The following INPP4B variants were observed in gnomAD, a reference collection of about 807,000 sequenced individuals.
The protein encoded by INPP4B is inositol polyphosphate 4-phosphatase type II.
INPP4B carries 55 observed loss-of-function variants against 122.5 expected under a neutral mutation model. The ratio of observed to expected loss-of-function variants is 0.45; its 90% confidence interval spans 0.36 to 0.56. The LOEUF (loss-of-function observed/expected upper bound fraction) is 0.56. INPP4B is among the 20% of genes least tolerant of loss of function. INPP4B has a pLI of 0.00. For missense variants in INPP4B, 1,000 were observed against 1,097.7 expected (o/e 0.91, Z 1.26); for synonymous variants, 403 against 388.7 (o/e 1.04, Z -0.43).
Position 142,764,006 on chromosome 4 carries a change from GA to G in INPP4B, c.-253-38106del, listed in dbSNP as rs201099541. Reference sequence around the variant, plus strand: ...AATTCTTTGAGCTTATTCATTTTAAGATGTTTTATTTCAAGTTCAAAAAGTT... The same window carrying G: ...AATTCTTTGAGCTTATTCATTTTAAGTGTTTTATTTCAAGTTCAAAAAGTT... On this transcript the variant is annotated intron_variant, in intron 1 of 25. Transcript: ENST00000262992. Among the ~76,000 whole-genome samples the G allele has an allele frequency of 2.5e-3, 373 of 152,126 alleles. 5 individuals are homozygous for G. The highest frequency in any genetic ancestry group is 0.018 in the East Asian group (94 of 5,176).
intron 18 of INPP4B, among the ~76,000 whole-genome samples, chr4:142,137,856 G>C (rs1382771562): frequency 6.6e-6 from 1 of 151,566 alleles, no homozygotes; most frequent in Non-Finnish European, 1.5e-5. Context: ...ACACCAGTTA[G>C]AATGGCAATC....
chr4:142,407,590 C>T (rs1241226929), intron 5 of INPP4B, among the ~76,000 whole-genome samples: 2 of 152,096 alleles, frequency 1.3e-5, no homozygotes, highest in Admixed American at 6.6e-5. Flanking sequence ...TTATTATATT[C>T]CACATCTAAA....
chr4:142,254,351 G>A (rs1214882236), intron 11 of INPP4B, among the ~76,000 whole-genome samples: 10 of 123,786 alleles, frequency 8.1e-5, no homozygotes, highest in Middle Eastern at 3.7e-3. Context: ...AAAGCTGGAT[G>A]GAGAATGACT....
At position 142,493,578 on chromosome 4, in the gene INPP4B, C is replaced by G. The variant is rs1822148135; in HGVS notation, c.-190-30852G>C. Reference sequence around the variant, plus strand: ...TTGGAACTTTAAAGTTTAATGACTACCCTATTGGATTTCAGACTTGCATGA... The same window carrying G: ...TTGGAACTTTAAAGTTTAATGACTAGCCTATTGGATTTCAGACTTGCATGA... On this transcript the variant is annotated intron_variant, in intron 2 of 25. Coordinates refer to ENST00000262992, the MANE Select transcript of INPP4B (RefSeq NM_001101669.3). Among the ~76,000 whole-genome samples, 3 of 152,148 alleles carry G rather than the reference C, an allele frequency of 2.0e-5. No homozygotes were observed. In the South Asian group the frequency reaches 6.2e-4, roughly 31 times the overall value.
chr4:142,179,705 T>C (rs1240956770), intron 15 of INPP4B, among the ~76,000 whole-genome samples: 7 of 152,220 alleles, frequency 4.6e-5, no homozygotes. Context: ...ACGTCTTTTT[T>C]ATGTACATCC....
At chr4:142,545,736 T>TATGTGTATATATATACAC (rs1369506900) in intron 2 of INPP4B, among the ~76,000 whole-genome samples, 1 of 66,764 alleles carries the variant, frequency 1.5e-5, no homozygotes, top group East Asian at 5.2e-3. Context: ...TATATACACA[T>TATGTGTATATATATACAC]ATATGTGTAT....
intron 1 of INPP4B, among the ~76,000 whole-genome samples, chr4:142,833,651 G>A (rs949766087): frequency 6.6e-6 from 1 of 151,684 alleles, no homozygotes; most frequent in African/African-American, 2.4e-5. Context: ...TTTAAAGACA[G>A]GGTATTGCTA....
intron 2 of INPP4B, among the ~76,000 whole-genome samples, chr4:142,587,877 T>C (rs1369579554): frequency 1.3e-5 from 2 of 151,932 alleles, no homozygotes; most frequent in Non-Finnish European, 2.9e-5. Flanking sequence ...ATAGAGACAC[T>C]AGAAGAAAGG....
At chr4:142,282,050 T>C (rs1751446542) in intron 9 of INPP4B, among the ~76,000 whole-genome samples, 1 of 152,110 alleles carries the variant, frequency 6.6e-6, no homozygotes, top group Non-Finnish European at 1.5e-5. Flanking sequence ...ATTCTAGTGA[T>C]AAACAAATGT....
Position 142,573,526 on chromosome 4 carries a change from C to T in INPP4B, c.-190-110800G>A, listed in dbSNP as rs555306690. 3.3e-4 allele frequency among the ~76,000 whole-genome samples: 50 copies of T among 152,218 alleles called. 1 individual carries two copies. In the South Asian group the frequency reaches 9.7e-3, roughly 30 times the overall value. ...AAATCAATCATATACCTGGCTCAGA[C>T]ATAAGTGATCTCTATTGCCTGTTTC... On this transcript the variant is annotated intron_variant, in intron 2 of 25. Transcript: ENST00000262992.
intron 1 of INPP4B, among the ~76,000 whole-genome samples, chr4:142,735,612 G>A (rs992665174): frequency 6.6e-5 from 10 of 152,288 alleles, no homozygotes; most frequent in South Asian, 2.1e-4. Context: ...AAGGCAGGGA[G>A]CTGCCACAAA....
At chr4:142,667,377 G>C (rs150518279) in intron 2 of INPP4B, among the ~76,000 whole-genome samples, 318 of 152,288 alleles carry the variant, frequency 2.1e-3, no homozygotes, top group African/African-American at 7.0e-3. Flanking sequence ...GATGCTAGCA[G>C]AATATGGCTC....
At chr4:142,580,283 G>A (rs932511170) in intron 2 of INPP4B, among the ~76,000 whole-genome samples, 21 of 151,728 alleles carry the variant, frequency 1.4e-4, no homozygotes, top group African/African-American at 5.1e-4. Context: ...AGCAGCAAAG[G>A]GTTATTGCAT....
chr4:142,170,975 C>T (rs887712300), intron 16 of INPP4B, among the ~76,000 whole-genome samples: 21 of 151,708 alleles, frequency 1.4e-4, no homozygotes, highest in Admixed American at 1.3e-3. Context: ...TGTAAATTGC[C>T]TTTGGATCTA....
At chr4:142,544,289 G>A (rs1829298417) in intron 2 of INPP4B, among the ~76,000 whole-genome samples, 1 of 151,934 alleles carries the variant, frequency 6.6e-6, no homozygotes, top group Admixed American at 6.6e-5. Flanking sequence ...AAAGTGCATT[G>A]GAACAAATTC....
intron 12 of INPP4B, among the ~76,000 whole-genome samples, chr4:142,209,790 C>T (rs1189920447): frequency 3.7e-5 from 1 of 27,072 alleles, no homozygotes; most frequent in Non-Finnish European, 7.0e-5. Context: ...AAGACCCCGT[C>T]TCAAAAAAAA....
At chr4:142,108,523 T>A (rs548253394) in intron 22 of INPP4B, among the ~76,000 whole-genome samples, 1 of 152,280 alleles carries the variant, frequency 6.6e-6, no homozygotes, top group South Asian at 2.1e-4. Context: ...CAGGGCTACA[T>A]CCCTGTATGT....
At chr4:142,755,403 A>G (rs1048519133) in intron 1 of INPP4B, among the ~76,000 whole-genome samples, 1 of 152,070 alleles carries the variant, frequency 6.6e-6, no homozygotes, top group African/African-American at 2.4e-5. Context: ...ATTGAAAATT[A>G]TATTTCCTCT....
At chr4:142,082,788 AG>A (rs1774673764) in intron 24 of INPP4B, among the ~76,000 whole-genome samples, 1 of 152,174 alleles carries the variant, frequency 6.6e-6, no homozygotes, top group Non-Finnish European at 1.5e-5. Flanking sequence ...ACTGTGCTCT[AG>A]GGTACAACAC....
Sources: gnomAD v4.1 joint callset for allele counts (sites outside exome capture counted in the v4.1 genomes callset) on GRCh38, gnomAD v4.1.1 for gene constraint, MANE v1.5 for transcripts, NCBI Gene and HGNC (gene_info 2026-07-23, HGNC 2026-07-21) for gene names.